The following WDFY4 variants were observed in gnomAD, a reference collection of about 807,000 sequenced individuals.
The protein encoded by WDFY4 is WD repeat- and FYVE domain-containing protein 4.
WDFY4 carries 169 observed loss-of-function variants against 351.9 expected under a neutral mutation model. The observed-to-expected ratio is 0.48, with a 90% CI of 0.42 to 0.55. The LOEUF is 0.55. Ranked by LOEUF, WDFY4 falls within the 20% of genes least tolerant of loss-of-function variation. The pLI, the probability that WDFY4 is intolerant of heterozygous loss-of-function variation, is 0.00. For missense variants in WDFY4, 3,803 were observed against 3,935.6 expected, an observed-to-expected ratio of 0.97 and a Z score of 0.90; for synonymous variants, 1,622 against 1,574.6, an observed-to-expected ratio of 1.03 and a Z score of -0.71.
chr10:48,789,810 C>A, intron 21 of WDFY4, 64 bp from the exon 22 acceptor site: 1 of 1,493,692 alleles, frequency 6.7e-7, no homozygotes, highest in Non-Finnish European at 9.1e-7. Context: ...CCTCCAGGAG[C>A]TCGTGGACAA....
At chr10:48,691,286 G>A (rs2063187898) in intron 1 of WDFY4, among the ~76,000 whole-genome samples, 1 of 152,156 alleles carries the variant, frequency 6.6e-6, no homozygotes, top group South Asian at 2.1e-4. Context: ...ACATTGCCCT[G>A]GGTGTCCTGT....
chr10:48,909,139 A>G (rs1480415625), intron 47 of WDFY4, among the ~76,000 whole-genome samples: 1 of 152,216 alleles, frequency 6.6e-6, no homozygotes, highest in Non-Finnish European at 1.5e-5. Context: ...TCCATGATAG[A>G]AATATACCAG....
chr10:48,981,285 T>C, intron 60 of WDFY4, 82 bp from the exon 61 acceptor site: 1 of 1,152,890 alleles, frequency 8.7e-7, no homozygotes, highest in Non-Finnish European at 1.3e-6. Flanking sequence ...TGCGTATGTG[T>C]TTGCGGCCCC....
intron 1 of WDFY4, among the ~76,000 whole-genome samples, chr10:48,708,106 A>G (rs2063679835): frequency 1.3e-5 from 2 of 152,232 alleles, no homozygotes; most frequent in African/African-American, 4.8e-5. Context: ...ATGGGCAAGC[A>G]TTATGTTCTT....
chr10:48,914,781 C>T (rs77670873), intron 47 of WDFY4, among the ~76,000 whole-genome samples: 18,836 of 152,138 alleles, frequency 0.12, 1,281 homozygotes, highest in Middle Eastern at 0.22. Flanking sequence ...AGTAGCCATG[C>T]AGAAAAGCCT....
At chr10:48,742,207 G>T (rs952951163) in intron 11 of WDFY4, among the ~76,000 whole-genome samples, 2 of 152,220 alleles carry the variant, frequency 1.3e-5, no homozygotes, top group African/African-American at 4.8e-5. Context: ...GATCTGGAGG[G>T]TGGTGGATTC....
At chr10:48,742,891 T>G in intron 11 of WDFY4, 77 bp from the exon 12 acceptor site, 2 of 1,366,978 alleles carry the variant, frequency 1.5e-6, no homozygotes, top group Non-Finnish European at 2.0e-6. Context: ...AGTGGGACGC[T>G]CTGGCAGGAA....
rs947638159 is a variant in WDFY4 at position 48,902,961 on chromosome 10, T to C, written c.7586+1098T>C. Reference sequence around the variant, plus strand: ...CCTGTTTCTATAAAAATACAAAAACTTAGCCAAGCATGATGGCAGGTGCCT... The same window carrying C: ...CCTGTTTCTATAAAAATACAAAAACCTAGCCAAGCATGATGGCAGGTGCCT... On this transcript the variant is annotated intron_variant, in intron 47 of 61. Coordinates refer to ENST00000325239, the MANE Select transcript of WDFY4 (RefSeq NM_001394531.1). Among the ~76,000 whole-genome samples, 7 of 152,078 alleles carry C rather than the reference T, an allele frequency of 4.6e-5. No individual in the cohort carries two copies. The East Asian group carries it at 1.4e-3, about 29-fold the overall frequency.
At chr10:48,716,409 C>A (rs2063912012) in intron 2 of WDFY4, among the ~76,000 whole-genome samples, 1 of 152,182 alleles carries the variant, frequency 6.6e-6, no homozygotes, top group Non-Finnish European at 1.5e-5. Context: ...CACGATGGTG[C>A]AGCTTAGATA....
In WDFY4 at chr10:48,901,840, C is replaced by T. The variant is rs769275665; in HGVS notation, c.7563C>T (p.Thr2521=). 3.2e-6 allele frequency: 5 copies of T among 1,551,464 alleles called. No individual in the cohort carries two copies. The highest frequency in any genetic ancestry group is 4.4e-6 in the Non-Finnish European group (5 of 1,146,878). The part of the protein sequence containing the change: ...SFQPSLKGKA[T]SEDTLSLRRY... ...AACCCAGCCTGAAGGGGAAAGCCACCTCGGAGGACACCCTCAGTCTAAGGT... is the reference window on the plus strand; with the variant it reads ...AACCCAGCCTGAAGGGGAAAGCCACTTCGGAGGACACCCTCAGTCTAAGGT... Residue 2521 remains threonine (T), a synonymous_variant, in exon 47 of 62, where the codon ACC becomes ACT. Coordinates refer to ENST00000325239, the MANE Select transcript of WDFY4 (RefSeq NM_001394531.1).
intron 30 of WDFY4, 37 bp from the exon 31 acceptor site, chr10:48,813,920 C>A: frequency 6.8e-7 from 1 of 1,475,494 alleles, no homozygotes; most frequent in African/African-American, 1.4e-5. Context: ...TGGTGAGTAG[C>A]CGCAGGTCTG....
chr10:48,907,460 T>A (rs1324624259), intron 47 of WDFY4, among the ~76,000 whole-genome samples: 1 of 152,220 alleles, frequency 6.6e-6, no homozygotes, highest in Non-Finnish European at 1.5e-5. Flanking sequence ...TCATATATAA[T>A]GTTTAGAATG....
chr10:48,979,863 C>T (rs1842739641), intron 60 of WDFY4: 1 of 152,300 alleles, frequency 6.6e-6, no homozygotes, highest in East Asian at 1.9e-4. Flanking sequence ...GGTCTTCTGT[C>T]AAATGGGGAC....
At chr10:48,939,688 G>A (rs1840648560) in intron 47 of WDFY4, among the ~76,000 whole-genome samples, 1 of 152,190 alleles carries the variant, frequency 6.6e-6, no homozygotes, top group African/African-American at 2.4e-5. Flanking sequence ...TAAGAGTTCT[G>A]TAATCACCTT....
chr10:48,910,073 T>G lies in WDFY4; in HGVS notation c.7586+8210T>G, dbSNP rs1176803099. ...ACAGGTGGGCTAAAGCTAAGGGAGG[T>G]GAAGTGAATTTGAGAAGCAAGTCGG... On this transcript the variant is annotated intron_variant, in intron 47 of 61. Coordinates refer to ENST00000325239, the MANE Select transcript of WDFY4 (RefSeq NM_001394531.1). 11 of 643,474 alleles carry G rather than the reference T, an allele frequency of 1.7e-5. No individual in the cohort carries two copies. The Admixed American group carries it at 2.5e-4, about 15-fold the overall frequency. 39.9% of individuals were successfully genotyped at this position (643,474 alleles called of 1,614,324 possible). A position where few individuals can be genotyped will look rare whatever the true frequency, so the allele number is the denominator to read the frequency against.
chr10:48,886,207 G>C (rs1048037639), intron 43 of WDFY4, among the ~76,000 whole-genome samples: 9 of 152,192 alleles, frequency 5.9e-5, no homozygotes, highest in African/African-American at 2.2e-4. Context: ...CCAAGTTGCA[G>C]ACTGCTAATG....
chr10:48,958,936 T>C (rs746355178), intron 52 of WDFY4, among the ~76,000 whole-genome samples: 1 of 152,178 alleles, frequency 6.6e-6, no homozygotes, highest in Non-Finnish European at 1.5e-5. Context: ...CAGCTGCTTC[T>C]TGCAGGCCCT....
chr10:48,846,143 A>G (rs1378866984), intron 39 of WDFY4, among the ~76,000 whole-genome samples: 1 of 152,220 alleles, frequency 6.6e-6, no homozygotes, highest in African/African-American at 2.4e-5. Context: ...ACTTGTACCA[A>G]TGGAGTTAAG....
intron 1 of WDFY4, among the ~76,000 whole-genome samples, chr10:48,690,987 C>G (rs1017762622): frequency 9.9e-5 from 15 of 152,180 alleles, no homozygotes; most frequent in African/African-American, 3.1e-4. Flanking sequence ...CACCCAGGAG[C>G]CTATCTGCCC....
Sources: allele counts gnomAD v4.1 joint callset (sites outside exome capture counted in the v4.1 genomes callset), GRCh38; gene constraint gnomAD v4.1.1; transcripts MANE v1.5; gene names NCBI Gene and HGNC (gene_info 2026-07-23, HGNC 2026-07-21).